RALGAPB: variants seen among roughly 807,000 people sequenced by gnomAD.
The protein encoded by RALGAPB is Ral GTPase activating protein non-catalytic subunit beta.
RALGAPB carries 25 observed loss-of-function variants against 161.1 expected under a neutral mutation model. The observed-to-expected ratio is 0.16, with a 90% CI of 0.11 to 0.22. RALGAPB has a LOEUF of 0.22. Ranked by LOEUF, RALGAPB falls within the 10% of genes least tolerant of loss-of-function variation. The pLI is 1.00. For missense variants in RALGAPB, 1,391 were observed against 1,815.2 expected (o/e 0.77, Z 4.25); for synonymous variants, 629 against 626.1 (o/e 1.00, Z -0.07).
intron 6 of RALGAPB, among the ~76,000 whole-genome samples, chr20:38,514,123 G>C (rs2086056799): frequency 6.6e-6 from 1 of 152,216 alleles, no homozygotes; most frequent in Middle Eastern, 3.2e-3. Context: ...ATTATGTGAA[G>C]ATAGAGCAGT....
In RALGAPB at chr20:38,546,317, C is replaced by T. The variant is rs1477683485; in HGVS notation, c.2789C>T (p.Thr930Ile). ...ASPCSLVNET[T>I]LIKYSRLPTI... ...CCTTGTAGTCTTGTGAATGAGACCA[C>T]TTTGATTAAATACTCCAGGCTGCCA... Residue 930 changes from threonine (T) to isoleucine (I), a missense_variant, in exon 19 of 30, where the codon ACT (threonine) becomes ATT (isoleucine). This residue lies in a region of RALGAPB where 946 missense variants were observed against 1,257.2 expected (regional missense o/e 0.75). Transcript: ENST00000262879. 1.2e-6 allele frequency: 2 copies of T among 1,614,040 alleles called. No individual in the cohort carries two copies. The highest frequency in any genetic ancestry group is 2.7e-5 in the African/African-American group (2 of 74,926).
In RALGAPB at chr20:38,523,148, C is replaced by T. The variant is rs555499607; in HGVS notation, c.1619+1450C>T. On this transcript the variant is annotated intron_variant, in intron 10 of 29. Transcript: ENST00000262879. ...CAGCCTGGGCGACAGAGTGAGACTC[C>T]GTCTCAAAAAAAAAAAAAAGTTCCC... Among the ~76,000 whole-genome samples the T allele has an allele frequency of 1.4e-4, 21 of 150,908 alleles. No homozygotes were observed. The South Asian group carries it at 2.3e-3, about 16-fold the overall frequency.
Position 38,522,091 on chromosome 20 carries a change from A to G in RALGAPB, c.1619+393A>G, listed in dbSNP as rs376531800. 5.2e-4 allele frequency among the ~76,000 whole-genome samples: 79 copies of G among 152,370 alleles called. No individual in the cohort carries two copies. The South Asian group carries it at 0.014, about 27-fold the overall frequency. The stretch of plus-strand genomic sequence containing the variant: ...AACAAAGCCGTGTACACATGTAACA[A>G]TGATCCAGCAGGAATTAGGATATTG... On this transcript the variant is annotated intron_variant, in intron 10 of 29. Coordinates refer to ENST00000262879, the MANE Select transcript of RALGAPB (RefSeq NM_020336.4).
At chr20:38,550,150 A>G (rs907619501) in intron 20 of RALGAPB, among the ~76,000 whole-genome samples, 1 of 152,170 alleles carries the variant, frequency 6.6e-6, no homozygotes, top group African/African-American at 2.4e-5. Context: ...GTTGTCGGGT[A>G]GGGGGAGTGG....
chr20:38,483,064 T>G (rs2085020123), intron 1 of RALGAPB, among the ~76,000 whole-genome samples: 1 of 152,166 alleles, frequency 6.6e-6, no homozygotes, highest in African/African-American at 2.4e-5. Context: ...CTTTTTTGTG[T>G]TTTTTGTAGA....
In RALGAPB at chr20:38,575,730, C is replaced by T. The variant is rs2088410960; in HGVS notation, c.*763C>T. On this transcript the variant is annotated 3_prime_UTR_variant, in exon 30 of 30. Transcript: ENST00000262879. ...AAGTTATAAGACAGCAGTGATACCC[C>T]ACTCTCTCCATTATTGTCCAGCGGG... 1 of 152,186 alleles carries T rather than the reference C, an allele frequency of 6.6e-6. No individual in the cohort carries two copies. The highest frequency in any genetic ancestry group is 6.5e-5 in the Admixed American group (1 of 15,280). The allele number at this position is 152,186 out of a possible 1,614,324, so 9.4% of individuals were successfully genotyped here.
chr20:38,534,571 T>C (rs1213311030), intron 15 of RALGAPB, among the ~76,000 whole-genome samples: 1 of 152,216 alleles, frequency 6.6e-6, no homozygotes, highest in African/African-American at 2.4e-5. Flanking sequence ...CCTGGAGAAT[T>C]AAATGTTAAA....
At chr20:38,573,051 T>C (rs1161318103) in intron 28 of RALGAPB, among the ~76,000 whole-genome samples, 1 of 151,874 alleles carries the variant, frequency 6.6e-6, no homozygotes, top group African/African-American at 2.4e-5. Context: ...GACTTACTTA[T>C]CATTTACTGT....
At chr20:38,494,141 T>A (rs182568954) in intron 3 of RALGAPB, among the ~76,000 whole-genome samples, 1 of 152,332 alleles carries the variant, frequency 6.6e-6, no homozygotes, top group African/African-American at 2.4e-5. Flanking sequence ...CTTGTATCTC[T>A]CACTGTTTTA....
At chr20:38,482,855 A>G (rs1038527903) in intron 1 of RALGAPB, among the ~76,000 whole-genome samples, 2 of 152,170 alleles carry the variant, frequency 1.3e-5, no homozygotes, top group Non-Finnish European at 2.9e-5. Flanking sequence ...AATCACCACC[A>G]CAAGAAACAC....
At chr20:38,557,855 G>A (rs921918963) in intron 22 of RALGAPB, among the ~76,000 whole-genome samples, 13 of 152,208 alleles carry the variant, frequency 8.5e-5, no homozygotes, top group Non-Finnish European at 1.8e-4. Flanking sequence ...TTGTGTGCAG[G>A]CTTTTGTGTG....
At chr20:38,510,923 A>G (rs908244343) in intron 6 of RALGAPB, among the ~76,000 whole-genome samples, 1 of 151,984 alleles carries the variant, frequency 6.6e-6, no homozygotes, top group East Asian at 1.9e-4. Flanking sequence ...AAAAAAAAAA[A>G]AAAGAAAATC....
At chr20:38,570,252 T>A (rs2088182951) in intron 27 of RALGAPB, among the ~76,000 whole-genome samples, 1 of 152,186 alleles carries the variant, frequency 6.6e-6, no homozygotes, top group African/African-American at 2.4e-5. Flanking sequence ...TGGCTATTCA[T>A]GTTGGCATCA....
At chr20:38,522,454 C>T (rs998746404) in intron 10 of RALGAPB, among the ~76,000 whole-genome samples, 4 of 152,188 alleles carry the variant, frequency 2.6e-5, no homozygotes, top group Non-Finnish European at 5.9e-5. Context: ...TCTGATCTCT[C>T]TTTTCACTCT....
At chr20:38,504,904 A>G (rs1335912946) in intron 5 of RALGAPB, among the ~76,000 whole-genome samples, 1 of 152,188 alleles carries the variant, frequency 6.6e-6, no homozygotes, top group East Asian at 1.9e-4. Flanking sequence ...CAGAATGGGT[A>G]TTATTAAAAA....
chr20:38,575,068 C>A lies in RALGAPB; in HGVS notation c.*101C>A. The A allele has an allele frequency of 2.0e-6, 2 of 978,986 alleles. No homozygotes were observed. The highest frequency in any genetic ancestry group is 3.1e-6 in the Non-Finnish European group (2 of 642,376). 60.6% of individuals were successfully genotyped at this position (978,986 alleles called of 1,614,324 possible). On this transcript the variant is annotated 3_prime_UTR_variant, in exon 30 of 30. Coordinates refer to ENST00000262879, the MANE Select transcript of RALGAPB (RefSeq NM_020336.4). ...TGTAAAAATAAAAACAAATCACTCC[C>A]AAGAGCTTACTGTTTAATCACCAGA...
Position 38,554,040 on chromosome 20 carries a change from C to T in RALGAPB, c.3336C>T (p.Leu1112=), listed in dbSNP as rs778659531. 3 of 1,613,604 alleles carry T rather than the reference C, an allele frequency of 1.9e-6. No individual in the cohort carries two copies. Among genetic ancestry groups the T allele is most frequent in the South Asian group, 2.2e-5 (2 of 91,068 alleles). Reference sequence around the variant, plus strand: ...AATTCCAAACAGCCCGCCTTTTTCTCTCACACTTTGGATTTTTGTCCTTAG... The same window carrying T: ...AATTCCAAACAGCCCGCCTTTTTCTTTCACACTTTGGATTTTTGTCCTTAG... ...AQEFQTARLF[L]SHFGFLSLEA... Residue 1112 remains leucine (L), a synonymous_variant, in exon 22 of 30, where the codon CTC becomes CTT. Coordinates refer to ENST00000262879, the MANE Select transcript of RALGAPB (RefSeq NM_020336.4).
intron 1 of RALGAPB, among the ~76,000 whole-genome samples, chr20:38,474,373 T>TC (rs774907485): frequency 6.6e-6 from 1 of 152,186 alleles, no homozygotes; most frequent in Non-Finnish European, 1.5e-5. Context: ...CACTGCAACT[T>TC]CCGCCTCCTG....
chr20:38,557,120 C>G (rs2087612127), intron 22 of RALGAPB, among the ~76,000 whole-genome samples: 1 of 152,112 alleles, frequency 6.6e-6, no homozygotes, highest in African/African-American at 2.4e-5. Context: ...TTAGCAAAAC[C>G]TTGTTTGGCA....
Sources: allele counts gnomAD v4.1 joint callset (sites outside exome capture counted in the v4.1 genomes callset), GRCh38; gene constraint gnomAD v4.1.1; regional missense constraint gnomAD v4.1.1; transcripts MANE v1.5; gene names NCBI Gene and HGNC (gene_info 2026-07-23, HGNC 2026-07-21).